METTL8: variants seen among roughly 807,000 people sequenced by gnomAD.
METTL8 encodes the protein tRNA N(3)-cytidine methyltransferase METTL8, mitochondrial.
Under a neutral mutation model 48.7 loss-of-function variants are expected in METTL8, and 32 were observed. That is an observed-to-expected ratio of 0.66 (90% confidence interval 0.50 to 0.88). The LOEUF (loss-of-function observed/expected upper bound fraction) is 0.88, where lower values mean the gene tolerates loss of function less well. Among genes scored for constraint, METTL8 ranks in the 40% least tolerant of loss-of-function variants. METTL8 has a pLI of 0.00. For synonymous variants in METTL8, 136 were observed against 157.1 expected, an observed-to-expected ratio of 0.87 and a Z score of 1.01; for missense variants, 464 against 474.4, an observed-to-expected ratio of 0.98 and a Z score of 0.20.
rs1267920293 is a variant in METTL8, at chr2:171,331,871, T to C, written c.657-4A>G. On this transcript the variant is annotated splice_polypyrimidine_tract_variant and splice_region_variant and intron_variant, in intron 5 of 9. Coordinates refer to ENST00000375258, the MANE Select transcript of METTL8 (RefSeq NM_001321154.2). Reference sequence around the variant, plus strand: ...CAGAAAGGACTCCGGAGAGTTCCTATGAAGATGGAAGAAATATTTATTTAT... The same window carrying C: ...CAGAAAGGACTCCGGAGAGTTCCTACGAAGATGGAAGAAATATTTATTTAT... 6.3e-7 allele frequency: 1 copy of C among 1,585,876 alleles called. No homozygotes were observed. Among genetic ancestry groups the C allele is most frequent in the African/African-American group, 1.3e-5 (1 of 74,756 alleles).
At chr2:171,343,379 C>T (rs931339743) in intron 3 of METTL8, among the ~76,000 whole-genome samples, 2 of 151,942 alleles carry the variant, frequency 1.3e-5, no homozygotes, top group African/African-American at 2.4e-5. Context: ...GCGGAGGTTG[C>T]GGTGAGCTGC....
intron 3 of METTL8, among the ~76,000 whole-genome samples, chr2:171,341,384 C>T (rs1686748942): frequency 6.6e-6 from 1 of 151,020 alleles, no homozygotes; most frequent in Admixed American, 6.6e-5. Context: ...ATTCAACAAA[C>T]ATGTCTTTTA....
At chr2:171,369,293 G>A (rs568213878) in intron 2 of METTL8, among the ~76,000 whole-genome samples, 16 of 152,274 alleles carry the variant, frequency 1.1e-4, no homozygotes, top group East Asian at 9.6e-4. Flanking sequence ...GCAAGAGAGC[G>A]AGACTCTGTC....
At position 171,331,843 on chromosome 2, in the gene METTL8, A is replaced by G. The variant is rs1685569304; in HGVS notation, c.681T>C (p.Tyr227=). 6.2e-7 allele frequency: 1 copy of G among 1,603,046 alleles called. No individual in the cohort carries two copies. The highest frequency in any genetic ancestry group is 8.5e-7 in the Non-Finnish European group (1 of 1,174,462). Residue 227 remains tyrosine (Y), a synonymous_variant, in exon 6 of 10, where the codon TAT becomes TAC. Coordinates refer to ENST00000375258, the MANE Select transcript of METTL8 (RefSeq NM_001321154.2). ...CAGCTCCAGAAGCAAAATCACAACAATACAGAAAGGACTCCGGAGAGTTCC... is the reference window on the plus strand; with the variant it reads ...CAGCTCCAGAAGCAAAATCACAACAGTACAGAAAGGACTCCGGAGAGTTCC... ...TLENSPESFL[Y]CCDFASGAVE...
chr2:171,353,907 G>T (rs369081384), intron 3 of METTL8, among the ~76,000 whole-genome samples: 5 of 151,726 alleles, frequency 3.3e-5, no homozygotes, highest in South Asian at 2.1e-4. Flanking sequence ...TCTTGACTCT[G>T]TATCCAATTT....
At chr2:171,434,331 G>A (rs1160545368), upstream of METTL8, 4 of 691,058 alleles carry the variant, frequency 5.8e-6, no homozygotes, top group South Asian at 1.5e-5. Flanking sequence ...AGCGGCCAGA[G>A]AGCCTGGGGC....
At chr2:171,381,526 C>T (rs944292724) in intron 2 of METTL8, among the ~76,000 whole-genome samples, 1 of 151,966 alleles carries the variant, frequency 6.6e-6, no homozygotes, top group Non-Finnish European at 1.5e-5. Flanking sequence ...GGGCTAATAT[C>T]CAGAATCTAC....
At chr2:171,380,463 C>G (rs1687405112) in intron 2 of METTL8, among the ~76,000 whole-genome samples, 2 of 152,188 alleles carry the variant, frequency 1.3e-5, no homozygotes, top group African/African-American at 4.8e-5. Context: ...CAAATTGTCT[C>G]TGTTTGCAGA....
intron 3 of METTL8, among the ~76,000 whole-genome samples, chr2:171,356,952 A>ATGTTTTGTTTTTT: frequency 3.8e-5 from 3 of 78,488 alleles, no homozygotes; most frequent in Middle Eastern, 0.013. Context: ...CAAAGACAAT[A>ATGTTTTGTTTTTT]TTTTTTTTTT....
At chr2:171,357,492 T>C (rs1404289490) in intron 3 of METTL8, among the ~76,000 whole-genome samples, 2 of 152,150 alleles carry the variant, frequency 1.3e-5, no homozygotes, top group African/African-American at 4.8e-5. Context: ...GAAAAATCTA[T>C]ACAGGAAAAC....
In METTL8 at chr2:171,356,827, C is replaced by T. The variant is rs117999923; in HGVS notation, c.235+3595G>A. Reference sequence around the variant, plus strand: ...TCCATCTGGAACAGGCAAGGATGCCCACTTTTGCCACTTTAATTTTACATA... The same window carrying T: ...TCCATCTGGAACAGGCAAGGATGCCTACTTTTGCCACTTTAATTTTACATA... On this transcript the variant is annotated intron_variant, in intron 3 of 9. Coordinates refer to ENST00000375258, the MANE Select transcript of METTL8 (RefSeq NM_001321154.2). 1.9e-3 allele frequency among the ~76,000 whole-genome samples: 291 copies of T among 152,170 alleles called. 7 individuals carry two copies. The East Asian group carries it at 0.029, about 15-fold the overall frequency.
At chr2:171,332,048 G>T in intron 5 of METTL8, 181 bp from the exon 6 acceptor site, 1 of 495,242 alleles carries the variant, frequency 2.0e-6, no homozygotes, top group Non-Finnish European at 3.7e-6. Flanking sequence ...ACCATGCCCA[G>T]CTAATTTTAG....
At position 171,392,109 on chromosome 2, in the gene METTL8, T is replaced by C. The variant is rs1445016838; in HGVS notation, c.77A>G (p.His26Arg). The change falls in exon 2 of 10, where the codon CAC (histidine) becomes CGC (arginine). Residue 26 changes from histidine to arginine, a missense_variant. By Grantham distance (29) the His-to-Arg change is conservative. Transcript: ENST00000375258. ...CCTTGATCCCAGAGGGGCCACTGGG[T>C]GGTAACCACTTTGGTATCTGTGTGG... Reference protein sequence around the residue: ...KVPHRYQSGYHPVAPLGSRIL... With the variant: ...KVPHRYQSGYRPVAPLGSRIL... 1 of 1,551,536 alleles carries C rather than the reference T, an allele frequency of 6.4e-7. No individual in the cohort carries two copies. The highest frequency in any genetic ancestry group is 8.7e-7 in the Non-Finnish European group (1 of 1,146,828).
chr2:171,390,482 T>C (rs1688483686), intron 2 of METTL8, among the ~76,000 whole-genome samples: 1 of 152,216 alleles, frequency 6.6e-6, no homozygotes, highest in Admixed American at 6.5e-5. Flanking sequence ...CTGGAAAGGA[T>C]TCACCAATCT....
chr2:171,426,014 G>A (rs542194268), intron 1 of METTL8, among the ~76,000 whole-genome samples: 5 of 152,042 alleles, frequency 3.3e-5, no homozygotes, highest in South Asian at 4.2e-4. Context: ...AAAATTAGCC[G>A]GGCATGGTGG....
At chr2:171,324,398 G>A (rs1166987387) in intron 9 of METTL8, 36 bp from the exon 10 acceptor site, 58 of 1,531,468 alleles carry the variant, frequency 3.8e-5, no homozygotes, top group Admixed American at 5.9e-5. Context: ...GATATGACAT[G>A]TGACTAGAGA....
At chr2:171,392,615 G>A (rs1477760884) in intron 1 of METTL8, among the ~76,000 whole-genome samples, 1 of 152,072 alleles carries the variant, frequency 6.6e-6, no homozygotes, top group African/African-American at 2.4e-5. Flanking sequence ...AAAATCCCAA[G>A]TATGGCAGAA....
Position 171,323,971 on chromosome 2 carries a change from G to A in METTL8, c.*201C>T, listed in dbSNP as rs1684679309. ...ATTCAAACAAGCTTGAGCATATCAA[G>A]TTTTCAAAGCACAGAAAAAGGCATA... is the stretch of plus-strand genomic sequence containing the variant. On this transcript the variant is annotated 3_prime_UTR_variant, in exon 10 of 10. Coordinates refer to ENST00000375258, the MANE Select transcript of METTL8 (RefSeq NM_001321154.2). 2 of 428,280 alleles carry A rather than the reference G, an allele frequency of 4.7e-6. No homozygotes were observed. Among genetic ancestry groups the A allele is most frequent in the African/African-American group, 4.1e-5 (2 of 49,298 alleles). The allele number at this position is 428,280 out of a possible 1,614,324, so 26.5% of individuals were successfully genotyped here. A position where few individuals can be genotyped will look rare whatever the true frequency, so the allele number is the denominator to read the frequency against.
At chr2:171,404,216 T>A (rs1427723397) in intron 1 of METTL8, among the ~76,000 whole-genome samples, 1 of 151,264 alleles carries the variant, frequency 6.6e-6, no homozygotes, top group Non-Finnish European at 1.5e-5. Context: ...TCTCAAAATA[T>A]CTTATTATAC....
Sources: gnomAD v4.1 joint callset for allele counts (sites outside exome capture counted in the v4.1 genomes callset) on GRCh38, gnomAD v4.1.1 for gene constraint, MANE v1.5 for transcripts, NCBI Gene and HGNC (gene_info 2026-07-23, HGNC 2026-07-21) for gene names.